ACOT12: variants seen among roughly 807,000 people sequenced by gnomAD.
The protein encoded by ACOT12 is acetyl-coenzyme A thioesterase.
ACOT12 carries 51 observed loss-of-function variants against 67.7 expected under a neutral mutation model. The ratio of observed to expected loss-of-function variants is 0.75; its 90% CI spans 0.60 to 0.95. The LOEUF is 0.95. ACOT12 is among the 40% of genes least tolerant of loss of function. ACOT12 has a pLI of 0.00. For synonymous variants in ACOT12, 251 were observed against 244.6 expected (o/e 1.03, Z -0.24); for missense variants, 734 against 708.1 (o/e 1.04, Z -0.41).
chr5:81,376,817 T>C (rs760539793), intron 2 of ACOT12, among the ~76,000 whole-genome samples: 3 of 152,064 alleles, frequency 2.0e-5, no homozygotes, highest in Non-Finnish European at 4.4e-5. Context: ...AATAGACCAA[T>C]GACAAGTTCT....
Position 81,330,953 on chromosome 5 carries a change from A to G in ACOT12, c.1392-13T>C. Reference sequence around the variant, plus strand: ...TGTGTAAGTGTTACTGAAAGAAAACACTTTCTAAGCTCTTGTGAGAAATAA... The same window carrying G: ...TGTGTAAGTGTTACTGAAAGAAAACGCTTTCTAAGCTCTTGTGAGAAATAA... On this transcript the variant is annotated splice_polypyrimidine_tract_variant and intron_variant, in intron 13 of 14. Transcript: ENST00000307624. The G allele has an allele frequency of 1.3e-6, 2 of 1,581,656 alleles. No individual in the cohort carries two copies. The highest frequency in any genetic ancestry group is 2.3e-5 in the South Asian group (2 of 86,076).
At chr5:81,347,140 TTTAC>T (rs1464805210) in intron 6 of ACOT12, among the ~76,000 whole-genome samples, 2 of 152,200 alleles carry the variant, frequency 1.3e-5, no homozygotes, top group African/African-American at 2.4e-5. Flanking sequence ...ACTTTATTTA[TTTAC>T]TTACTTATTT....
rs575217645 is a variant in ACOT12 at position 81,390,662 on chromosome 5, C to A, written c.127+3326G>T. 4.6e-3 allele frequency among the ~76,000 whole-genome samples: 698 copies of A among 151,136 alleles called. 22 individuals carry two copies. Among genetic ancestry groups the A allele is most frequent in the African/African-American group, 0.016 (657 of 41,162 alleles). ...GGGATTAAAAGCACCTGCCACAACA[C>A]CCGGCTAATTTTTGTATTTTTAGTA... is the stretch of plus-strand genomic sequence containing the variant. On this transcript the variant is annotated intron_variant, in intron 1 of 14. Transcript: ENST00000307624.
chr5:81,364,302 T>C (rs1205164524), intron 3 of ACOT12, among the ~76,000 whole-genome samples: 2 of 151,300 alleles, frequency 1.3e-5, no homozygotes, highest in Non-Finnish European at 2.9e-5. Flanking sequence ...TACATACACA[T>C]ATATAATATC....
At chr5:81,337,074 C>T (rs1338170518) in intron 11 of ACOT12, among the ~76,000 whole-genome samples, 1 of 152,144 alleles carries the variant, frequency 6.6e-6, no homozygotes, top group Non-Finnish European at 1.5e-5. Context: ...GTGAGACACA[C>T]CCTACTTAGC....
chr5:81,366,629 G>A (rs1464414735), intron 3 of ACOT12, among the ~76,000 whole-genome samples: 1 of 152,018 alleles, frequency 6.6e-6, no homozygotes, highest in African/African-American at 2.4e-5. Flanking sequence ...ATAAAAACAG[G>A]TCTATAGGCC....
intron 4 of ACOT12, 89 bp from the exon 5 acceptor site, chr5:81,360,127 G>T: frequency 7.5e-7 from 1 of 1,341,332 alleles, no homozygotes; most frequent in Non-Finnish European, 1.0e-6. Context: ...TATGCTACAT[G>T]GTTTTCTAAC....
chr5:81,319,262 G>A, the ACOT12 span, among the ~76,000 whole-genome samples: 1 of 152,186 alleles, frequency 6.6e-6, no homozygotes, highest in South Asian at 2.1e-4. Flanking sequence ...CTCCCTGTTG[G>A]AAAGCTGTTG....
At chr5:81,386,010 T>C (rs1291927491) in intron 1 of ACOT12, among the ~76,000 whole-genome samples, 184 bp from the exon 2 acceptor site, 1 of 152,240 alleles carries the variant, frequency 6.6e-6, no homozygotes, top group Non-Finnish European at 1.5e-5. Context: ...CTGTGAGTTA[T>C]ATTTCTAATG....
chr5:81,341,890 T>C (rs569914330), intron 11 of ACOT12, among the ~76,000 whole-genome samples: 22 of 152,322 alleles, frequency 1.4e-4, no homozygotes, highest in Non-Finnish European at 3.1e-4. Flanking sequence ...AAGAAGACCA[T>C]GTGTAAAAAG....
intron 5 of ACOT12, among the ~76,000 whole-genome samples, chr5:81,351,071 T>C (rs2153851313): frequency 6.6e-6 from 1 of 152,342 alleles, no homozygotes; most frequent in East Asian, 1.9e-4. Context: ...TTTGCAAAGA[T>C]GTTTGTAAAT....
At chr5:81,320,859 C>T in the ACOT12 span, among the ~76,000 whole-genome samples, 24 of 152,244 alleles carry the variant, frequency 1.6e-4, no homozygotes, top group Admixed American at 1.5e-3. Context: ...GGCTTATAAA[C>T]AACAGAAATT....
the ACOT12 span, among the ~76,000 whole-genome samples, chr5:81,323,908 ACGTATATATACG>A: frequency 3.4e-5 from 5 of 147,274 alleles, no homozygotes; most frequent in African/African-American, 1.2e-4. Context: ...GTATATATAC[ACGTATATATACG>A]TGTATATATA....
chr5:81,318,818 G>C, the ACOT12 span, among the ~76,000 whole-genome samples: 6 of 152,126 alleles, frequency 3.9e-5, no homozygotes, highest in Non-Finnish European at 2.9e-5. Context: ...CAGGAGATGG[G>C]GCTGTTTGCA....
chr5:81,338,884 C>T (rs1416241762), intron 11 of ACOT12, among the ~76,000 whole-genome samples: 1 of 152,082 alleles, frequency 6.6e-6, no homozygotes, highest in African/African-American at 2.4e-5. Flanking sequence ...GAGTTTGAGA[C>T]CAACCTGGAA....
intron 10 of ACOT12, 31 bp downstream of exon 10, chr5:81,343,787 A>G (rs1759281026): frequency 1.9e-6 from 3 of 1,607,232 alleles, no homozygotes; most frequent in African/African-American, 1.3e-5. Flanking sequence ...TGAGACTTTT[A>G]TATGAAGAGC....
chr5:81,339,712 AC>A (rs1370890673), intron 11 of ACOT12, among the ~76,000 whole-genome samples: 1 of 152,196 alleles, frequency 6.6e-6, no homozygotes, highest in African/African-American at 2.4e-5. Context: ...CAGCTGTTTC[AC>A]ATACCTGTGT....
At chr5:81,378,721 CAT>C (rs1760491945) in intron 2 of ACOT12, among the ~76,000 whole-genome samples, 2 of 152,084 alleles carry the variant, frequency 1.3e-5, no homozygotes, top group South Asian at 4.1e-4. Context: ...TGCCAACAAA[CAT>C]AAGAAAAAAA....
At chr5:81,343,078 G>A (rs1472286502) in intron 10 of ACOT12, among the ~76,000 whole-genome samples, 1 of 152,164 alleles carries the variant, frequency 6.6e-6, no homozygotes, top group African/African-American at 2.4e-5. Flanking sequence ...GCTACTTGGA[G>A]GCTGAGGCAG....
Sources: allele counts gnomAD v4.1 joint callset (sites outside exome capture counted in the v4.1 genomes callset), GRCh38; gene constraint gnomAD v4.1.1; transcripts MANE v1.5; gene names NCBI Gene and HGNC (gene_info 2026-07-23, HGNC 2026-07-21).